RBFOX1: variants seen among roughly 807,000 people sequenced by gnomAD.
RBFOX1 encodes RNA binding protein fox-1 homolog 1.
RBFOX1 carries 8 observed loss-of-function variants against 57.7 expected under a neutral mutation model. The observed-to-expected ratio is 0.14, with a 90% CI of 0.08 to 0.25. RBFOX1 has a LOEUF of 0.25. RBFOX1 is among the 10% of genes least tolerant of loss of function. The pLI is 1.00. For synonymous variants in RBFOX1, 326 were observed against 222.4 expected (o/e 1.47, Z -4.15); for missense variants, 611 against 548.5 (o/e 1.11, Z -1.14).
At chr16:7,592,347 T>A (rs573828566) in intron 7 of RBFOX1, among the ~76,000 whole-genome samples, 2 of 152,352 alleles carry the variant, frequency 1.3e-5, no homozygotes, top group African/African-American at 2.4e-5. Context: ...TCTTTCCACC[T>A]TTGTCTTTCC....
chr16:7,032,645 G>C (rs1439181228), intron 3 of RBFOX1, among the ~76,000 whole-genome samples: 1 of 151,934 alleles, frequency 6.6e-6, no homozygotes, highest in Non-Finnish European at 1.5e-5. Context: ...CAAGCTAATT[G>C]CTTGATGGAA....
At chr16:6,575,535 C>A (rs2097420313) in intron 2 of RBFOX1, among the ~76,000 whole-genome samples, 1 of 151,954 alleles carries the variant, frequency 6.6e-6, no homozygotes, top group Admixed American at 6.6e-5. Flanking sequence ...AACATGAAAA[C>A]ACATGTGAAC....
At chr16:7,391,761 A>G (rs138253655) in intron 4 of RBFOX1, among the ~76,000 whole-genome samples, 135 of 152,314 alleles carry the variant, frequency 8.9e-4, no homozygotes, top group African/African-American at 2.8e-3. Context: ...CCTTTTATAC[A>G]GTAGGCTTTT....
intron 1 of RBFOX1, among the ~76,000 whole-genome samples, chr16:6,271,387 C>T (rs1395835935): frequency 6.6e-6 from 1 of 151,908 alleles, no homozygotes; most frequent in Non-Finnish European, 1.5e-5. Context: ...GTGACCACTG[C>T]ACTTCAGCTG....
At chr16:5,813,930 G>A (rs6500725) in intron 3 of RBFOX1, among the ~76,000 whole-genome samples, 1,757 of 152,302 alleles carry the variant, frequency 0.012, 31 homozygotes, top group African/African-American at 0.038. Flanking sequence ...TTGGCTTATC[G>A]TAGGTGTTTA....
At position 7,187,690 on chromosome 16, in the gene RBFOX1, C is replaced by CAAAAAAAAAAAAAA. The variant is rs536529201; in HGVS notation, c.27+135614_27+135627dup. 2.3e-4 allele frequency among the ~76,000 whole-genome samples: 17 copies of CAAAAAAAAAAAAAA among 72,568 alleles called. 2 individuals carry two copies. Among genetic ancestry groups the CAAAAAAAAAAAAAA allele is most frequent in the Non-Finnish European group, 3.7e-4 (16 of 43,728 alleles). The allele number at this position is 72,568 out of a possible 152,430, so 47.6% of individuals were successfully genotyped here. ...GGCAACAGAATGAGACTCTGTCTCA[C>CAAAAAAAAAAAAAA]AAAAAAAAAAAAAAAAAAAAAAAAA... On this transcript the variant is annotated intron_variant, in intron 4 of 15. Transcript: ENST00000550418.
chr16:7,211,755 G>T (rs2091185213), intron 4 of RBFOX1, among the ~76,000 whole-genome samples: 1 of 152,148 alleles, frequency 6.6e-6, no homozygotes, highest in African/African-American at 2.4e-5. Flanking sequence ...TGAACTAGGA[G>T]GACTCGGGGG....
intron 3 of RBFOX1, among the ~76,000 whole-genome samples, chr16:6,894,028 C>G (rs1417697214): frequency 1.3e-5 from 2 of 152,110 alleles, no homozygotes; most frequent in African/African-American, 2.4e-5. Flanking sequence ...AAAGACAGCT[C>G]TTTATATGGG....
intron 6 of RBFOX1, among the ~76,000 whole-genome samples, chr16:7,583,675 G>C (rs953284983): frequency 6.6e-5 from 10 of 151,998 alleles, no homozygotes; most frequent in Non-Finnish European, 7.4e-5. Context: ...TTACTTTAGG[G>C]GTCAAAATAC....
intron 3 of RBFOX1, among the ~76,000 whole-genome samples, chr16:7,016,258 TC>T (rs2093907256): frequency 6.6e-6 from 1 of 152,082 alleles, no homozygotes; most frequent in Admixed American, 6.6e-5. Context: ...ACCTGCCTCA[TC>T]CCCAAGATCT....
intron 4 of RBFOX1, among the ~76,000 whole-genome samples, chr16:7,227,879 G>T (rs2093248369): frequency 6.6e-6 from 1 of 152,300 alleles, no homozygotes; most frequent in Non-Finnish European, 1.5e-5. Flanking sequence ...TTGCTTTAAT[G>T]ATATTAGCTC....
chr16:6,562,962 G>A (rs1272384205), intron 2 of RBFOX1, among the ~76,000 whole-genome samples: 1 of 142,324 alleles, frequency 7.0e-6, no homozygotes, highest in Admixed American at 7.4e-5. Flanking sequence ...CCTTTCCTGG[G>A]TATGTCCTTC....
chr16:5,318,551 A>C (rs1383742130), intron 1 of RBFOX1, among the ~76,000 whole-genome samples: 1 of 151,802 alleles, frequency 6.6e-6, no homozygotes, highest in African/African-American at 2.4e-5. Context: ...ATTGAGTTAG[A>C]AATAAGAGCA....
intron 4 of RBFOX1, among the ~76,000 whole-genome samples, chr16:7,374,326 A>C (rs1168529931): frequency 6.6e-6 from 1 of 152,224 alleles, no homozygotes; most frequent in Non-Finnish European, 1.5e-5. Flanking sequence ...TGTTTGGCAC[A>C]ATACAGATAA....
At position 6,861,408 on chromosome 16, in the gene RBFOX1, A is replaced by G. The variant is rs185621638; in HGVS notation, c.-15-190649A>G. 9.0e-3 allele frequency among the ~76,000 whole-genome samples: 1,363 copies of G among 152,112 alleles called. 15 individuals carry two copies. Among genetic ancestry groups the G allele is most frequent in the Non-Finnish European group, 0.011 (755 of 67,994 alleles). ...GATGGACCAGTCAAGCAGTTCCCTA[A>G]TGTCTTTGATCAATGTAAACTGCTA... On this transcript the variant is annotated intron_variant, in intron 3 of 15. Coordinates refer to ENST00000550418, the MANE Select transcript of RBFOX1 (RefSeq NM_018723.4).
intron 4 of RBFOX1, among the ~76,000 whole-genome samples, chr16:7,514,434 C>T (rs1398485503): frequency 6.6e-6 from 1 of 152,034 alleles, no homozygotes; most frequent in Admixed American, 6.6e-5. Flanking sequence ...GCTGTTGGAC[C>T]ATGGAGATGG....
intron 4 of RBFOX1, among the ~76,000 whole-genome samples, chr16:7,333,244 C>G (rs1013849976): frequency 6.6e-6 from 1 of 152,198 alleles, no homozygotes; most frequent in Non-Finnish European, 1.5e-5. Flanking sequence ...GATGGATCAC[C>G]CTAATCTAGC....
chr16:5,798,255 T>C (rs1375835990), intron 3 of RBFOX1, among the ~76,000 whole-genome samples: 2 of 152,224 alleles, frequency 1.3e-5, no homozygotes, highest in African/African-American at 4.8e-5. Flanking sequence ...ATTAGTAATA[T>C]TCTAAATGAG....
At chr16:6,623,299 T>C (rs1567928285) in intron 2 of RBFOX1, among the ~76,000 whole-genome samples, 3 of 152,256 alleles carry the variant, frequency 2.0e-5, no homozygotes, top group Middle Eastern at 3.4e-3. Flanking sequence ...TGGGCTTAGC[T>C]GTTTCAGTGA....
Sources: allele counts gnomAD v4.1 joint callset (sites outside exome capture counted in the v4.1 genomes callset), GRCh38; gene constraint gnomAD v4.1.1; transcripts MANE v1.5; gene names NCBI Gene and HGNC (gene_info 2026-07-23, HGNC 2026-07-21).